Variants in ZNF717 observed in about 807,000 individuals in gnomAD.
The protein encoded by ZNF717 is zinc finger protein 717.
Under a neutral mutation model 13.8 loss-of-function variants are expected in ZNF717, and 9 were observed. The ratio of observed to expected loss-of-function variants is 0.65; its 90% CI spans 0.39 to 1.14. ZNF717 has a LOEUF of 1.14. Among genes scored for constraint, ZNF717 ranks in the 50% most tolerant of loss-of-function variants. ZNF717 has a pLI of 0.01. For synonymous variants in ZNF717, 327 were observed against 364.1 expected, an observed-to-expected ratio of 0.90 and a Z score of 1.16; for missense variants, 1,040 against 1,080.7, an observed-to-expected ratio of 0.96 and a Z score of 0.53.
At chr3:75,740,570 A>ATTTTTT (rs63657763) in intron 4 of ZNF717, among the ~76,000 whole-genome samples, 1 of 125,046 alleles carries the variant, frequency 8.0e-6, no homozygotes, top group African/African-American at 2.9e-5. Context: ...GTACTCAGCT[A>ATTTTTT]TTTTTTTTTT....
At chr3:75,743,081 T>C (rs1575792381) in intron 2 of ZNF717, among the ~76,000 whole-genome samples, 1 of 152,070 alleles carries the variant, frequency 6.6e-6, no homozygotes, top group South Asian at 2.1e-4. Context: ...CAAAAACATA[T>C]AAATAAAAAT....
At chr3:75,700,650 T>A in intron 6 of ZNF717, among the ~76,000 whole-genome samples, 1 of 152,310 alleles carries the variant, frequency 6.6e-6, no homozygotes, top group South Asian at 2.1e-4. Flanking sequence ...TAAACTGAAC[T>A]TACTTTCAAC....
chr3:75,782,259 A>G (rs1270231330), intron 2 of ZNF717, among the ~76,000 whole-genome samples: 1 of 152,208 alleles, frequency 6.6e-6, no homozygotes, highest in Non-Finnish European at 1.5e-5. Context: ...CACTGGAAGT[A>G]TTTCCCAGAA....
intron 2 of ZNF717, among the ~76,000 whole-genome samples, chr3:75,755,868 G>T (rs1198657390): frequency 6.6e-6 from 1 of 152,248 alleles, no homozygotes; most frequent in Non-Finnish European, 1.5e-5. Context: ...AAACACAGTA[G>T]ATATTAATCC....
chr3:75,768,394 C>G (rs1274700318), intron 2 of ZNF717, among the ~76,000 whole-genome samples: 1 of 130,338 alleles, frequency 7.7e-6, no homozygotes, highest in Admixed American at 8.5e-5. Flanking sequence ...CCACCACAAC[C>G]TGATTCAGTC....
chr3:75,770,340 C>A (rs1316832995), intron 2 of ZNF717, among the ~76,000 whole-genome samples: 1 of 152,220 alleles, frequency 6.6e-6, no homozygotes, highest in Non-Finnish European at 1.5e-5. Context: ...GCGGGCAGAT[C>A]ACCTGAGGTC....
At chr3:75,778,740 AC>A (rs1356063640) in intron 2 of ZNF717, among the ~76,000 whole-genome samples, 1 of 151,328 alleles carries the variant, frequency 6.6e-6, no homozygotes, top group Non-Finnish European at 1.5e-5. Context: ...GATGTGCAAA[AC>A]CCGTAAACCA....
At chr3:75,779,156 C>A (rs542110938) in intron 2 of ZNF717, among the ~76,000 whole-genome samples, 2 of 151,740 alleles carry the variant, frequency 1.3e-5, no homozygotes, top group African/African-American at 4.8e-5. Context: ...GAGTGACGTG[C>A]GAAAACCGGA....
intron 2 of ZNF717, among the ~76,000 whole-genome samples, chr3:75,766,717 A>T (rs1187261849): frequency 3.9e-4 from 59 of 152,300 alleles, no homozygotes; most frequent in African/African-American, 1.4e-3. Flanking sequence ...ACAGTTGAGC[A>T]CTACCAAGAC....
chr3:75,768,842 A>G (rs769080769), intron 2 of ZNF717, among the ~76,000 whole-genome samples: 16 of 152,082 alleles, frequency 1.1e-4, no homozygotes, highest in Non-Finnish European at 1.9e-4. Flanking sequence ...GTGGGGGGAC[A>G]GATGACAGGC....
downstream of ZNF717, among the ~76,000 whole-genome samples, chr3:75,732,333 T>C (rs1289484299): frequency 5.9e-5 from 9 of 152,330 alleles, no homozygotes; most frequent in Non-Finnish European, 1.3e-4. Context: ...ACATGTGAAG[T>C]TCATAGTCCA....
chr3:75,748,347 G>A (rs1355859138), intron 2 of ZNF717, among the ~76,000 whole-genome samples: 2 of 152,126 alleles, frequency 1.3e-5, no homozygotes, highest in Non-Finnish European at 2.9e-5. Flanking sequence ...TATGAGGCCA[G>A]CATCATCCTG....
chr3:75,756,999 T>A (rs1240300985), intron 2 of ZNF717, among the ~76,000 whole-genome samples: 1 of 152,260 alleles, frequency 6.6e-6, no homozygotes, highest in Non-Finnish European at 1.5e-5. Flanking sequence ...CTATGAAGGC[T>A]CAGAGAGGTG....
At chr3:75,761,350 C>T (rs1345932789) in intron 2 of ZNF717, among the ~76,000 whole-genome samples, 2 of 152,234 alleles carry the variant, frequency 1.3e-5, no homozygotes, top group Non-Finnish European at 2.9e-5. Flanking sequence ...TAAAAACACT[C>T]AAAGAATTAG....
In ZNF717 at chr3:75,737,997, T is replaced by C; in HGVS notation, c.1626A>G (p.Lys542=). 7.4e-7 allele frequency: 1 copy of C among 1,344,314 alleles called. No individual in the cohort carries two copies. The highest frequency in any genetic ancestry group is 9.9e-7 in the Non-Finnish European group (1 of 1,007,612). The allele number at this position is 1,344,314 out of a possible 1,614,324, so 83.3% of individuals were successfully genotyped here. Residue 542 remains lysine, a synonymous_variant, in exon 5 of 5, where the codon AAA becomes AAG. Coordinates refer to ENST00000652011, the MANE Select transcript of ZNF717 (RefSeq NM_001290208.3). ...TAAGGTATGACTTGTGGCTATATGT[T>C]TTTCCACATTCGTTACATGCGTATG... ...EKPYACNECG[K]TYSHKSYLTV... is the part of the protein sequence containing the mutation.
chr3:75,737,771 G>A lies in ZNF717; in HGVS notation c.1852C>T (p.Pro618Ser). The A allele has an allele frequency of 6.4e-7, 1 of 1,550,792 alleles. No individual in the cohort carries two copies. Among genetic ancestry groups the A allele is most frequent in the South Asian group, 1.2e-5 (1 of 83,982 alleles). Residue 618 changes from proline (P) to serine (S), a missense_variant, in exon 5 of 5, where the codon CCC becomes TCC. Physicochemically the swap from Pro to Ser is moderately conservative, Grantham distance 74. This residue lies in a region of ZNF717 where 873 missense variants were observed against 832.8 expected (regional missense o/e 1.05). Transcript: ENST00000652011. The part of the protein sequence containing the change: ...IHKRTHTGER[P>S]YECNECGKTF... ...TTTCCACATTCATTACATTCATAGG[G>A]TCTTTCCCCTGTGTGAGTTCTCTTG...
At chr3:75,745,824 T>C (rs1941106538) in intron 2 of ZNF717, among the ~76,000 whole-genome samples, 1 of 151,676 alleles carries the variant, frequency 6.6e-6, no homozygotes, top group Admixed American at 6.6e-5. Context: ...CCAAATAATA[T>C]ACCACATTTT....
chr3:75,769,286 C>T (rs1027531479), intron 2 of ZNF717, among the ~76,000 whole-genome samples: 1 of 152,080 alleles, frequency 6.6e-6, no homozygotes, highest in Non-Finnish European at 1.5e-5. Context: ...CCTGACGATG[C>T]CAGACTGGGA....
At chr3:75,770,299 G>A (rs548526146) in intron 2 of ZNF717, among the ~76,000 whole-genome samples, 5 of 152,338 alleles carry the variant, frequency 3.3e-5, no homozygotes, top group South Asian at 2.1e-4. Context: ...GGTGGCTCAC[G>A]CCTGCAATCC....
Sources: gnomAD v4.1 joint callset for allele counts (sites outside exome capture counted in the v4.1 genomes callset) on GRCh38, gnomAD v4.1.1 for gene constraint, gnomAD v4.1.1 regional missense constraint, MANE v1.5 for transcripts, NCBI Gene and HGNC (gene_info 2026-07-23, HGNC 2026-07-21) for gene names.